The following POU6F2 variants were observed in gnomAD, a reference collection of about 807,000 sequenced individuals.
POU6F2 encodes POU domain, class 6, transcription factor 2.
In POU6F2, 31 loss-of-function variants were observed where a neutral mutation model predicts 71.3. The ratio of observed to expected loss-of-function variants is 0.43; its 90% confidence interval spans 0.33 to 0.59. The LOEUF (loss-of-function observed/expected upper bound fraction) is 0.59, where lower values mean the gene tolerates loss of function less well. Ranked by LOEUF, POU6F2 falls within the 20% of genes least tolerant of loss-of-function variation. The probability of loss-of-function intolerance (pLI) is 0.04; values close to 1 mark genes in which losing one functional copy is unlikely to be tolerated. For missense variants in POU6F2, 783 were observed against 856.8 expected, an observed-to-expected ratio of 0.91 and a Z score of 1.07; for synonymous variants, 347 against 355.7, an observed-to-expected ratio of 0.98 and a Z score of 0.27.
rs143958048 is a variant in POU6F2, at chr7:39,101,817, T to A, written c.277+15786T>A. 2.9e-3 allele frequency among the ~76,000 whole-genome samples: 442 copies of A among 152,308 alleles called. 2 individuals carry two copies. Among genetic ancestry groups the A allele is most frequent in the African/African-American group, 9.9e-3 (411 of 41,560 alleles). On this transcript the variant is annotated intron_variant, in intron 2 of 9. Coordinates refer to ENST00000518318, the MANE Select transcript of POU6F2 (RefSeq NM_001370959.1). ...CACAATGTATACATATAACAAAACA[T>A]CACAGTGTATTCCATAAATATATAT...
At chr7:39,017,012 C>T (rs1213013132) in intron 1 of POU6F2, among the ~76,000 whole-genome samples, 4 of 152,100 alleles carry the variant, frequency 2.6e-5, no homozygotes, top group Non-Finnish European at 5.9e-5. Flanking sequence ...GAGGGGAAGG[C>T]TGGAGGTGTT....
At chr7:39,423,200 T>TCC (rs1562546511) in intron 6 of POU6F2, among the ~76,000 whole-genome samples, 2 of 152,180 alleles carry the variant, frequency 1.3e-5, no homozygotes, top group Non-Finnish European at 2.9e-5. Context: ...AAAGAGCCTA[T>TCC]TGAACTCTTG....
intron 5 of POU6F2, among the ~76,000 whole-genome samples, chr7:39,395,276 T>G (rs1264048226): frequency 6.6e-6 from 1 of 152,134 alleles, no homozygotes; most frequent in Non-Finnish European, 1.5e-5. Context: ...CCCCAAAATA[T>G]CAGAAGTGCC....
Position 39,164,679 on chromosome 7 carries a change from C to A in POU6F2, c.278-39556C>A, listed in dbSNP as rs371706207. On this transcript the variant is annotated intron_variant, in intron 2 of 9. Transcript: ENST00000518318. ...AGTTCACAAAAAGAGCTGTGGCCAG[C>A]ATGGGGGAAGCCAGGGACAGAGCAT... Among the ~76,000 whole-genome samples the A allele has an allele frequency of 8.6e-5, 13 of 151,982 alleles. No homozygotes were observed. In the South Asian group the frequency reaches 1.2e-3, roughly 15 times the overall value.
At chr7:39,448,106 T>C (rs1371627718) in intron 7 of POU6F2, among the ~76,000 whole-genome samples, 2 of 152,238 alleles carry the variant, frequency 1.3e-5, no homozygotes, top group Non-Finnish European at 2.9e-5. Context: ...GATGTAGTGC[T>C]ATATTTCATA....
Position 39,419,130 on chromosome 7 carries a change from TAC to T in POU6F2, c.1113+12394_1113+12395del, listed in dbSNP as rs1385646058. On this transcript the variant is annotated intron_variant, in intron 6 of 9. Coordinates refer to ENST00000518318, the MANE Select transcript of POU6F2 (RefSeq NM_001370959.1). ...ATATATACGTATATATGTGTATATA[TAC>T]ACATATATATACGTATATATGTGTA... Among the ~76,000 whole-genome samples, 1,191 of 136,840 alleles carry T rather than the reference TAC, an allele frequency of 8.7e-3. 13 individuals are homozygous for T. The highest frequency in any genetic ancestry group is 0.026 in the Middle Eastern group (7 of 266). The allele number at this position is 136,840 out of a possible 152,430, so 89.8% of individuals were successfully genotyped here. A position where few individuals can be genotyped will look rare whatever the true frequency, so the allele number is the denominator to read the frequency against.
In POU6F2 at chr7:39,402,877, T is replaced by C. The variant is rs1322140009; in HGVS notation, c.973-3723T>C. On this transcript the variant is annotated intron_variant, in intron 5 of 9. Transcript: ENST00000518318. ...AGATATTTATGGAGGTGAGTTCTAA[T>C]TCCAAGTTGATTAATTCAAAATCTT... Among the ~76,000 whole-genome samples, 2 of 152,240 alleles carry C rather than the reference T, an allele frequency of 1.3e-5. 1 individual carries two copies. The highest frequency in any genetic ancestry group is 6.3e-3 in the Middle Eastern group (2 of 316).
At chr7:39,095,554 A>G (rs1459811120) in intron 2 of POU6F2, among the ~76,000 whole-genome samples, 4 of 152,174 alleles carry the variant, frequency 2.6e-5, no homozygotes, top group Non-Finnish European at 1.5e-5. Context: ...TGTTTTTATA[A>G]TGATACAATA....
intron 5 of POU6F2, among the ~76,000 whole-genome samples, chr7:39,346,725 T>A (rs1786040067): frequency 6.6e-6 from 1 of 152,370 alleles, no homozygotes; most frequent in African/African-American, 2.4e-5. Context: ...GCTTGGCCAG[T>A]ATTTATGTGA....
At chr7:39,428,632 G>A (rs1788025806) in intron 6 of POU6F2, among the ~76,000 whole-genome samples, 1 of 152,132 alleles carries the variant, frequency 6.6e-6, no homozygotes, top group African/African-American at 2.4e-5. Context: ...GAGTCATTGA[G>A]GCATTTTGCT....
chr7:39,343,420 A>AG (rs930131364), intron 5 of POU6F2, among the ~76,000 whole-genome samples: 19 of 152,192 alleles, frequency 1.2e-4, no homozygotes, highest in Non-Finnish European at 2.2e-4. Flanking sequence ...TAAAAAAAAA[A>AG]AAAAAATTCA....
At chr7:39,284,616 G>T (rs1054841091) in intron 4 of POU6F2, among the ~76,000 whole-genome samples, 2 of 152,208 alleles carry the variant, frequency 1.3e-5, no homozygotes, top group Non-Finnish European at 1.5e-5. Flanking sequence ...TGCCTTCTGA[G>T]TGGGAGTAAG....
chr7:39,462,431 G>A (rs1005204893), intron 9 of POU6F2, among the ~76,000 whole-genome samples: 2 of 152,164 alleles, frequency 1.3e-5, no homozygotes, highest in Non-Finnish European at 1.5e-5. Flanking sequence ...CTCAGGCATC[G>A]CTTGTCCCTC....
chr7:39,015,892 T>TATATATAGATATATGTA (rs1789502586), intron 1 of POU6F2, among the ~76,000 whole-genome samples: 3 of 64,068 alleles, frequency 4.7e-5, no homozygotes, highest in African/African-American at 1.2e-4. Flanking sequence ...TATTATATAT[T>TATATATAGATATATGTA]ATATATAGAT....
rs938896513 is a variant in POU6F2 at position 39,284,324 on chromosome 7, G to A, written c.599-55318G>A. On this transcript the variant is annotated intron_variant, in intron 4 of 9. Coordinates refer to ENST00000518318, the MANE Select transcript of POU6F2 (RefSeq NM_001370959.1). ...CAAGGAAGTCATATAATAAACTCCTGTGAGCTCTGGCTTTCTGTGGATTTT... is the reference window on the plus strand; with the variant it reads ...CAAGGAAGTCATATAATAAACTCCTATGAGCTCTGGCTTTCTGTGGATTTT... 6.6e-5 allele frequency among the ~76,000 whole-genome samples: 10 copies of A among 152,204 alleles called. No homozygotes were observed. The South Asian group carries it at 2.1e-3, about 31-fold the overall frequency.
intron 2 of POU6F2, among the ~76,000 whole-genome samples, chr7:39,091,373 T>G (rs1791361132): frequency 6.6e-6 from 1 of 152,168 alleles, no homozygotes; most frequent in Non-Finnish European, 1.5e-5. Flanking sequence ...AGTTCAATAT[T>G]GCAGTGTCCA....
rs1414817932 is a variant in POU6F2 at position 39,185,791 on chromosome 7, T to C, written c.278-18444T>C. ...TTAAGTAATGAGAAGTATGACAACT[T>C]GGTATACATATATATATGTATATGT... On this transcript the variant is annotated intron_variant, in intron 2 of 9. Coordinates refer to ENST00000518318, the MANE Select transcript of POU6F2 (RefSeq NM_001370959.1). 6.7e-5 allele frequency among the ~76,000 whole-genome samples: 10 copies of C among 149,618 alleles called. No homozygotes were observed. The East Asian group carries it at 1.9e-3, about 29-fold the overall frequency.
intron 2 of POU6F2, among the ~76,000 whole-genome samples, chr7:39,161,899 G>A (rs1050585891): frequency 2.0e-5 from 3 of 152,190 alleles, no homozygotes; most frequent in African/African-American, 7.2e-5. Flanking sequence ...CATCTTACGT[G>A]GTATACTGGC....
At chr7:39,374,959 T>C (rs1425713648) in intron 5 of POU6F2, among the ~76,000 whole-genome samples, 1 of 152,204 alleles carries the variant, frequency 6.6e-6, no homozygotes, top group African/African-American at 2.4e-5. Flanking sequence ...TCCCTTTGAA[T>C]GCAACATTAG....
Sources: gnomAD v4.1 joint callset for allele counts (sites outside exome capture counted in the v4.1 genomes callset) on GRCh38, gnomAD v4.1.1 for gene constraint, MANE v1.5 for transcripts, NCBI Gene and HGNC (gene_info 2026-07-23, HGNC 2026-07-21) for gene names.